The following TBC1D22A variants were observed in gnomAD, a reference collection of about 807,000 sequenced individuals.
TBC1D22A encodes the protein putative GTPase activator.
TBC1D22A carries 38 observed loss-of-function variants against 60.2 expected under a neutral mutation model. That is an observed-to-expected ratio of 0.63 (90% CI 0.49 to 0.83). TBC1D22A has a LOEUF of 0.83. TBC1D22A is among the 40% of genes least tolerant of loss of function. TBC1D22A has a pLI of 0.00. For missense variants in TBC1D22A, 628 were observed against 701.0 expected, an observed-to-expected ratio of 0.90 and a Z score of 1.18; for synonymous variants, 302 against 281.7, an observed-to-expected ratio of 1.07 and a Z score of -0.72.
chr22:47,034,431 C>G (rs1031825942), intron 10 of TBC1D22A, among the ~76,000 whole-genome samples: 2 of 152,246 alleles, frequency 1.3e-5, no homozygotes, highest in East Asian at 3.9e-4. Context: ...GACTGAGAGT[C>G]GAGATGAGAA....
intron 4 of TBC1D22A, among the ~76,000 whole-genome samples, chr22:46,849,798 C>T (rs1045511820): frequency 6.6e-6 from 1 of 152,164 alleles, no homozygotes; most frequent in African/African-American, 2.4e-5. Context: ...TGACTGTCGC[C>T]TGGTCCCGTA....
intron 6 of TBC1D22A, among the ~76,000 whole-genome samples, chr22:46,894,471 T>C (rs2068565966): frequency 6.6e-6 from 1 of 152,208 alleles, no homozygotes; most frequent in African/African-American, 2.4e-5. Flanking sequence ...AAATCGATGT[T>C]TACTAATTGC....
intron 12 of TBC1D22A, among the ~76,000 whole-genome samples, chr22:47,119,535 C>G (rs943725326): frequency 7.3e-5 from 11 of 150,234 alleles, no homozygotes; most frequent in Admixed American, 3.3e-4. Flanking sequence ...CTCACACTGT[C>G]ACCCGGGCTG....
intron 8 of TBC1D22A, among the ~76,000 whole-genome samples, chr22:46,971,430 A>T (rs528974230): frequency 1.3e-5 from 2 of 152,220 alleles, no homozygotes; most frequent in South Asian, 4.1e-4. Flanking sequence ...GTCGATGGGA[A>T]ACTTCTCAGA....
chr22:47,144,639 T>C (rs572406741), intron 12 of TBC1D22A, among the ~76,000 whole-genome samples: 1 of 152,350 alleles, frequency 6.6e-6, no homozygotes. Context: ...GCGTCGGTGT[T>C]ACTGTCTCCA....
chr22:46,995,513 TTGTG>T (rs560356769), intron 9 of TBC1D22A, among the ~76,000 whole-genome samples: 32 of 151,198 alleles, frequency 2.1e-4, no homozygotes, highest in South Asian at 2.1e-4. Context: ...TGCACGCACT[TTGTG>T]TGTGTGTGTG....
At chr22:47,036,792 C>A (rs1223633239) in intron 10 of TBC1D22A, among the ~76,000 whole-genome samples, 1 of 152,238 alleles carries the variant, frequency 6.6e-6, no homozygotes, top group Admixed American at 6.5e-5. Context: ...CAAGCCCCCC[C>A]ATCTTCCTGG....
rs975301395 is a variant in TBC1D22A, at chr22:47,084,249, C to T, written c.1330-27259C>T. ...GTACTGCAGACCCATCTGTGGCCGG[C>T]GGCTACAGTATTGGGCAGCACAGAT... On this transcript the variant is annotated intron_variant, in intron 11 of 12. Coordinates refer to ENST00000337137, the MANE Select transcript of TBC1D22A (RefSeq NM_014346.5). Among the ~76,000 whole-genome samples the T allele has an allele frequency of 1.7e-4, 26 of 152,318 alleles. No homozygotes were observed. In the East Asian group the frequency reaches 3.3e-3, roughly 19 times the overall value.
intron 12 of TBC1D22A, among the ~76,000 whole-genome samples, chr22:47,118,380 A>G (rs1004744639): frequency 1.2e-4 from 18 of 152,234 alleles, no homozygotes; most frequent in African/African-American, 3.9e-4. Flanking sequence ...TGAAAAACCA[A>G]GCATTTGGAT....
intron 4 of TBC1D22A, among the ~76,000 whole-genome samples, chr22:46,834,988 C>T (rs1470044582): frequency 6.6e-6 from 1 of 152,206 alleles, no homozygotes; most frequent in Non-Finnish European, 1.5e-5. Context: ...AGCTTCGTGA[C>T]ACCTGGCCTG....
intron 4 of TBC1D22A, among the ~76,000 whole-genome samples, chr22:46,827,556 G>A (rs769772409): frequency 2.6e-5 from 4 of 152,154 alleles, no homozygotes; most frequent in Non-Finnish European, 2.9e-5. Flanking sequence ...TAGTCTTCTC[G>A]TATCAAAACG....
chr22:47,063,734 G>C (rs2063662196), intron 11 of TBC1D22A, among the ~76,000 whole-genome samples: 1 of 152,128 alleles, frequency 6.6e-6, no homozygotes, highest in Non-Finnish European at 1.5e-5. Context: ...GGCAGGGCTG[G>C]TTCGCTCTGG....
intron 4 of TBC1D22A, among the ~76,000 whole-genome samples, chr22:46,854,456 A>G (rs569281220): frequency 2.2e-4 from 34 of 151,846 alleles, no homozygotes; most frequent in African/African-American, 7.2e-4. Context: ...GATGGCGCCA[A>G]TCTCTCCTAC....
chr22:46,956,236 A>G (rs2073182237), intron 8 of TBC1D22A, among the ~76,000 whole-genome samples: 1 of 152,186 alleles, frequency 6.6e-6, no homozygotes, highest in Non-Finnish European at 1.5e-5. Context: ...TAATAAAGAT[A>G]AAGTGAGGCC....
chr22:46,915,431 C>T (rs1330514038), intron 8 of TBC1D22A: 1 of 456,654 alleles, frequency 2.2e-6, no homozygotes, highest in Non-Finnish European at 4.4e-6. Flanking sequence ...GGTTTCGACA[C>T]CTGAGCACCT....
At chr22:46,791,185 AT>A (rs753315068) in intron 1 of TBC1D22A, among the ~76,000 whole-genome samples, 2 of 152,018 alleles carry the variant, frequency 1.3e-5, no homozygotes, top group Non-Finnish European at 2.9e-5. Context: ...CGCCCAGCCA[AT>A]TTTTTTGTAT....
chr22:47,031,401 G>A (rs768510148), intron 10 of TBC1D22A, among the ~76,000 whole-genome samples: 6 of 152,248 alleles, frequency 3.9e-5, no homozygotes, highest in African/African-American at 4.8e-5. Context: ...GGAGGCCCTG[G>A]TCAATCTTTC....
chr22:46,889,341 A>G (rs1201996337), intron 5 of TBC1D22A, among the ~76,000 whole-genome samples: 2 of 152,206 alleles, frequency 1.3e-5, no homozygotes, highest in East Asian at 1.9e-4. Flanking sequence ...ACCCAACTGC[A>G]TGGCTGATAG....
intron 1 of TBC1D22A, among the ~76,000 whole-genome samples, chr22:46,781,384 C>T (rs1290546188): frequency 2.6e-5 from 4 of 152,152 alleles, no homozygotes; most frequent in South Asian, 2.1e-4. Flanking sequence ...CCATGTTGCC[C>T]GTGCTGGTCT....
Sources: gnomAD v4.1 joint callset for allele counts (sites outside exome capture counted in the v4.1 genomes callset) on GRCh38, gnomAD v4.1.1 for gene constraint, MANE v1.5 for transcripts, NCBI Gene and HGNC (gene_info 2026-07-23, HGNC 2026-07-21) for gene names.